The following SLCO3A1 variants were observed in gnomAD, a reference collection of about 807,000 sequenced individuals.
The protein encoded by SLCO3A1 is solute carrier organic anion transporter family member 3A1, also known as PGE1 transporter.
SLCO3A1 carries 27 observed loss-of-function variants against 63.1 expected under a neutral mutation model. The ratio of observed to expected loss-of-function variants is 0.43; its 90% CI spans 0.32 to 0.59. The LOEUF (loss-of-function observed/expected upper bound fraction) is 0.59, where lower values mean the gene tolerates loss of function less well. SLCO3A1 is among the 20% of genes least tolerant of loss of function. SLCO3A1 has a pLI of 0.09. For synonymous variants in SLCO3A1, 473 were observed against 409.9 expected, an observed-to-expected ratio of 1.15 and a Z score of -1.86; for missense variants, 773 against 945.8, an observed-to-expected ratio of 0.82 and a Z score of 2.40.
chr15:91,987,924 C>T (rs1252494278), intron 2 of SLCO3A1, among the ~76,000 whole-genome samples: 3 of 151,956 alleles, frequency 2.0e-5, no homozygotes, highest in East Asian at 3.9e-4. Context: ...CTCGTGGCCA[C>T]GTGGAGGATG....
chr15:92,071,147 A>G (rs1460544749), intron 2 of SLCO3A1, among the ~76,000 whole-genome samples: 1 of 152,168 alleles, frequency 6.6e-6, no homozygotes, highest in Non-Finnish European at 1.5e-5. Flanking sequence ...AGGACTAGAG[A>G]GTGAGCAGGA....
chr15:91,981,873 T>C (rs2045991955), intron 2 of SLCO3A1, among the ~76,000 whole-genome samples: 1 of 152,246 alleles, frequency 6.6e-6, no homozygotes, highest in Non-Finnish European at 1.5e-5. Flanking sequence ...ACCAGTGGCA[T>C]GTACAACCCG....
At chr15:92,008,045 C>A (rs576723405) in intron 2 of SLCO3A1, among the ~76,000 whole-genome samples, 8 of 152,144 alleles carry the variant, frequency 5.3e-5, no homozygotes, top group African/African-American at 1.9e-4. Context: ...GAAGTCGGCT[C>A]GGTAAACAGG....
intron 2 of SLCO3A1, among the ~76,000 whole-genome samples, chr15:92,073,907 G>A (rs1310748511): frequency 6.6e-6 from 1 of 152,212 alleles, no homozygotes; most frequent in African/African-American, 2.4e-5. Context: ...CGTGGCTCAC[G>A]CCTGTAATCC....
In SLCO3A1 at chr15:92,104,419, G is replaced by C; in HGVS notation, c.886G>C (p.Ala296Pro). The C allele has an allele frequency of 6.2e-7, 1 of 1,614,074 alleles. No individual in the cohort carries two copies. The highest frequency in any genetic ancestry group is 8.5e-7 in the Non-Finnish European group (1 of 1,180,016). Residue 296 changes from alanine to proline, a missense_variant, in exon 4 of 10, where the codon GCC (alanine) becomes CCC (proline). Transcript: ENST00000318445. ...PQSLPPHSEP[A>P]MESEQAMLSE... Reference sequence around the variant, plus strand: ...GTCCCTGCCCCCGCACTCAGAGCCCGCCATGGAAAGCGAGCAGGCCATGCT... The same window carrying C: ...GTCCCTGCCCCCGCACTCAGAGCCCCCCATGGAAAGCGAGCAGGCCATGCT...
intron 2 of SLCO3A1, among the ~76,000 whole-genome samples, chr15:92,044,550 G>A (rs1020441732): frequency 7.9e-5 from 12 of 152,062 alleles, no homozygotes; most frequent in Non-Finnish European, 1.0e-4. Flanking sequence ...AACTCTGGAG[G>A]CATCCCCACT....
At chr15:91,988,368 A>C (rs1049105573) in intron 2 of SLCO3A1, among the ~76,000 whole-genome samples, 79 of 152,294 alleles carry the variant, frequency 5.2e-4, no homozygotes, top group African/African-American at 1.9e-3. Flanking sequence ...ATAGATGAGA[A>C]GTGTAGCATC....
intron 2 of SLCO3A1, among the ~76,000 whole-genome samples, chr15:92,001,933 G>T (rs1475334295): frequency 7.0e-6 from 1 of 143,496 alleles, no homozygotes; most frequent in Admixed American, 7.5e-5. Context: ...TATTAGCTCA[G>T]TTGGCACCTT....
chr15:91,931,013 T>C (rs762055279), intron 2 of SLCO3A1, among the ~76,000 whole-genome samples: 1 of 152,180 alleles, frequency 6.6e-6, no homozygotes, highest in Non-Finnish European at 1.5e-5. Flanking sequence ...CAAAATGAAA[T>C]GAAACACCAG....
intron 7 of SLCO3A1, among the ~76,000 whole-genome samples, chr15:92,134,134 C>T (rs961846279): frequency 3.3e-5 from 5 of 152,238 alleles, no homozygotes; most frequent in African/African-American, 1.2e-4. Context: ...TCTACTTAGA[C>T]ACAGCCCCCA....
intron 2 of SLCO3A1, among the ~76,000 whole-genome samples, chr15:92,081,177 A>T (rs2047340965): frequency 6.6e-6 from 1 of 152,224 alleles, no homozygotes; most frequent in South Asian, 2.1e-4. Flanking sequence ...GCAATATCAG[A>T]TACTAGAGTT....
chr15:92,094,233 T>C (rs1476541799), intron 2 of SLCO3A1, among the ~76,000 whole-genome samples: 1 of 152,192 alleles, frequency 6.6e-6, no homozygotes, highest in Non-Finnish European at 1.5e-5. Context: ...ATCACTTAAT[T>C]CCTGAACAGC....
chr15:92,041,152 T>C (rs1186998582), intron 2 of SLCO3A1, among the ~76,000 whole-genome samples: 1 of 152,164 alleles, frequency 6.6e-6, no homozygotes, highest in Non-Finnish European at 1.5e-5. Context: ...CCTTCCCTTG[T>C]AACAACCCTG....
At chr15:91,995,458 A>G (rs925921609) in intron 2 of SLCO3A1, among the ~76,000 whole-genome samples, 5 of 152,198 alleles carry the variant, frequency 3.3e-5, no homozygotes, top group Non-Finnish European at 7.3e-5. Flanking sequence ...ATAGGAAGCT[A>G]ATGGTTAGGA....
At chr15:92,142,839 G>A (rs2048152592) in intron 7 of SLCO3A1, among the ~76,000 whole-genome samples, 1 of 152,060 alleles carries the variant, frequency 6.6e-6, no homozygotes, top group South Asian at 2.1e-4. Flanking sequence ...ACACTTTTTA[G>A]GGCAGAGAGA....
At chr15:91,869,108 A>T (rs920215352) in intron 1 of SLCO3A1, among the ~76,000 whole-genome samples, 6 of 152,280 alleles carry the variant, frequency 3.9e-5, no homozygotes, top group Admixed American at 2.6e-4. Context: ...TCTAATTAAG[A>T]ATCCACTGGG....
intron 2 of SLCO3A1, among the ~76,000 whole-genome samples, chr15:91,961,777 T>C (rs1261021661): frequency 6.6e-6 from 1 of 152,210 alleles, no homozygotes; most frequent in Non-Finnish European, 1.5e-5. Flanking sequence ...AAAATACATT[T>C]ATTTACTTAT....
chr15:91,940,045 G>C (rs1003804515), intron 2 of SLCO3A1, among the ~76,000 whole-genome samples: 1 of 152,090 alleles, frequency 6.6e-6, no homozygotes, highest in Non-Finnish European at 1.5e-5. Context: ...CTCACCACAT[G>C]TTCCCATTGG....
Position 92,126,124 on chromosome 15 carries a change from T to C in SLCO3A1, c.1238T>C (p.Leu413Pro). 6.2e-7 allele frequency: 1 copy of C among 1,613,994 alleles called. No homozygotes were observed. The highest frequency in any genetic ancestry group is 8.5e-7 in the Non-Finnish European group (1 of 1,179,996). ...IFLGGLLVKK[L>P]SLSALGAIRM... is the part of the protein sequence containing the mutation. ...CTGGGAGGTCTTTTGGTGAAGAAGC[T>C]CAGCCTGTCTGCCCTGGGGGCCATT... Residue 413 changes from leucine (L) to proline (P), a missense_variant, in exon 6 of 10, where the codon CTC (leucine) becomes CCC (proline). Physicochemically the swap from Leu to Pro is moderately conservative, Grantham distance 98. Coordinates refer to ENST00000318445, the MANE Select transcript of SLCO3A1 (RefSeq NM_013272.4).
Sources: allele counts gnomAD v4.1 joint callset (sites outside exome capture counted in the v4.1 genomes callset), GRCh38; gene constraint gnomAD v4.1.1; transcripts MANE v1.5; gene names NCBI Gene and HGNC (gene_info 2026-07-23, HGNC 2026-07-21).